Variants in DLGAP2 observed in about 807,000 individuals in gnomAD.
The protein encoded by DLGAP2 is DLG associated protein 2.
A neutral mutation model predicts 100.3 loss-of-function variants in DLGAP2; 26 were observed. The ratio of observed to expected loss-of-function variants is 0.26; its 90% CI spans 0.19 to 0.36. The LOEUF (loss-of-function observed/expected upper bound fraction) is 0.36. Among genes scored for constraint, DLGAP2 ranks in the 10% least tolerant of loss-of-function variants. The pLI is 1.00. For synonymous variants in DLGAP2, 886 were observed against 630.1 expected, an observed-to-expected ratio of 1.41 and a Z score of -6.08; for missense variants, 1,858 against 1,453.2, an observed-to-expected ratio of 1.28 and a Z score of -4.53.
chr8:1,175,181 G>A (rs1200460780), intron 2 of DLGAP2, among the ~76,000 whole-genome samples: 6 of 151,972 alleles, frequency 3.9e-5, no homozygotes, highest in African/African-American at 7.3e-5. Context: ...TTTCTGCTAT[G>A]GCCATAAAAT....
intron 7 of DLGAP2, among the ~76,000 whole-genome samples, chr8:1,631,888 C>A (rs905103238): frequency 1.3e-5 from 2 of 152,214 alleles, no homozygotes; most frequent in Non-Finnish European, 2.9e-5. Context: ...GAACCTGATT[C>A]TTTGACCTTG....
intron 3 of DLGAP2, among the ~76,000 whole-genome samples, chr8:1,336,381 C>A (rs56071402): frequency 0.025 from 3,824 of 152,184 alleles, 68 homozygotes; most frequent in Middle Eastern, 0.061. Flanking sequence ...GGAAAAGTGG[C>A]GAGGAGGAGG....
chr8:777,766 C>G (rs1450148139), intron 1 of DLGAP2, among the ~76,000 whole-genome samples: 1 of 152,144 alleles, frequency 6.6e-6, no homozygotes, highest in Non-Finnish European at 1.5e-5. Flanking sequence ...CGACCTTTCT[C>G]TCTGGCTGCC....
intron 3 of DLGAP2, among the ~76,000 whole-genome samples, chr8:1,359,234 C>G (rs1488934749): frequency 1.3e-5 from 2 of 152,190 alleles, no homozygotes; most frequent in Non-Finnish European, 2.9e-5. Context: ...AAATCCACCT[C>G]CCGGGACGCA....
At chr8:887,341 T>C (rs1346854740) in intron 1 of DLGAP2, among the ~76,000 whole-genome samples, 1 of 152,212 alleles carries the variant, frequency 6.6e-6, no homozygotes, top group African/African-American at 2.4e-5. Context: ...CCAGTCTGTG[T>C]CTGTTAATTG....
At chr8:1,026,898 G>A (rs937920292) in intron 2 of DLGAP2, among the ~76,000 whole-genome samples, 13 of 152,158 alleles carry the variant, frequency 8.5e-5, no homozygotes, top group African/African-American at 3.1e-4. Context: ...AAGTTCTAAA[G>A]GTTATCGCTA....
intron 3 of DLGAP2, among the ~76,000 whole-genome samples, chr8:1,432,771 G>A (rs920748982): frequency 1.3e-5 from 2 of 152,314 alleles, no homozygotes; most frequent in South Asian, 4.1e-4. Flanking sequence ...TGCAGGTTAC[G>A]GGTGATTCCC....
chr8:1,602,647 A>T (rs1796665397), intron 6 of DLGAP2, among the ~76,000 whole-genome samples: 1 of 152,212 alleles, frequency 6.6e-6, no homozygotes, highest in Admixed American at 6.5e-5. Flanking sequence ...CAGCTCAGAG[A>T]CCACCAAGGC....
At chr8:839,041 C>A (rs1358702764) in intron 1 of DLGAP2, among the ~76,000 whole-genome samples, 1 of 152,114 alleles carries the variant, frequency 6.6e-6, no homozygotes, top group African/African-American at 2.4e-5. Context: ...TGGGATATCA[C>A]CTCACACCTG....
intron 2 of DLGAP2, among the ~76,000 whole-genome samples, chr8:994,334 G>T (rs1268304768): frequency 6.6e-6 from 1 of 152,152 alleles, no homozygotes; most frequent in Non-Finnish European, 1.5e-5. Flanking sequence ...CCGAGTAGCT[G>T]GGATTACAGG....
intron 3 of DLGAP2, among the ~76,000 whole-genome samples, chr8:1,351,003 CCTGA>C (rs751118138): frequency 3.1e-5 from 2 of 65,260 alleles, no homozygotes; most frequent in East Asian, 4.7e-4. Context: ...CCGTGCGGGT[CCTGA>C]CTGTGTGTGG....
chr8:1,557,324 A>G (rs894283839), intron 5 of DLGAP2, among the ~76,000 whole-genome samples: 15 of 152,032 alleles, frequency 9.9e-5, no homozygotes, highest in African/African-American at 3.6e-4. Flanking sequence ...ATAAATGGCT[A>G]TAACTGTGCC....
chr8:1,640,955 C>A (rs1056468618), intron 8 of DLGAP2, among the ~76,000 whole-genome samples: 1 of 152,128 alleles, frequency 6.6e-6, no homozygotes, highest in African/African-American at 2.4e-5. Flanking sequence ...GCCGGTTGGC[C>A]CTGGGGACCG....
At chr8:1,339,918 C>A (rs1312834565) in intron 3 of DLGAP2, among the ~76,000 whole-genome samples, 1 of 152,158 alleles carries the variant, frequency 6.6e-6, no homozygotes, top group Non-Finnish European at 1.5e-5. Flanking sequence ...TGTATATTGA[C>A]AGGAAGCTGT....
chr8:1,410,442 CAT>C (rs1796695878), intron 3 of DLGAP2, among the ~76,000 whole-genome samples: 1 of 152,224 alleles, frequency 6.6e-6, no homozygotes, highest in African/African-American at 2.4e-5. Context: ...CCTCAGTTCA[CAT>C]AATTCTGTAG....
chr8:1,202,571 A>AGAT (rs1363642657), intron 2 of DLGAP2, among the ~76,000 whole-genome samples: 1 of 152,194 alleles, frequency 6.6e-6, no homozygotes, highest in Non-Finnish European at 1.5e-5. Flanking sequence ...ATTCCCCAGG[A>AGAT]GATGGGAGGT....
chr8:936,359 G>A (rs140487885), intron 2 of DLGAP2, among the ~76,000 whole-genome samples: 432 of 152,298 alleles, frequency 2.8e-3, no homozygotes, highest in African/African-American at 9.4e-3. Context: ...TGTAAAACTC[G>A]GGAAGGATGT....
chr8:829,407 C>G (rs1386223942), intron 1 of DLGAP2, among the ~76,000 whole-genome samples: 1 of 152,168 alleles, frequency 6.6e-6, no homozygotes, highest in Non-Finnish European at 1.5e-5. Flanking sequence ...GAACACTTGT[C>G]TTATTACCAG....
At chr8:1,391,395 C>T (rs1352098071) in intron 3 of DLGAP2, among the ~76,000 whole-genome samples, 1 of 152,188 alleles carries the variant, frequency 6.6e-6, no homozygotes, top group Non-Finnish European at 1.5e-5. Flanking sequence ...TGTGCAGAGG[C>T]ACGCGGCTTA....
Sources: allele counts gnomAD v4.1 joint callset (sites outside exome capture counted in the v4.1 genomes callset), GRCh38; gene constraint gnomAD v4.1.1; transcripts MANE v1.5; gene names NCBI Gene and HGNC (gene_info 2026-07-23, HGNC 2026-07-21).